The following DLG2 variants were observed in gnomAD, a reference collection of about 807,000 sequenced individuals.
DLG2 encodes the protein discs large MAGUK scaffold protein 2.
Under a neutral mutation model 132.5 loss-of-function variants are expected in DLG2, and 45 were observed. The observed-to-expected ratio is 0.34, with a 90% CI of 0.27 to 0.44. The LOEUF (loss-of-function observed/expected upper bound fraction) is 0.44, where lower values mean the gene tolerates loss of function less well. DLG2 is among the 20% of genes least tolerant of loss of function. DLG2 has a pLI of 1.00. For missense variants in DLG2, 1,045 were observed against 1,196.9 expected (o/e 0.87, Z 1.87); for synonymous variants, 424 against 419.6 (o/e 1.01, Z -0.13).
At chr11:85,509,933 G>T (rs1445752057) in intron 3 of DLG2, 1 of 151,702 alleles carries the variant, frequency 6.6e-6, no homozygotes, top group African/African-American at 2.4e-5. Context: ...ACAAAGGTTA[G>T]TTCGGCGCTC....
Position 83,780,640 on chromosome 11 carries a change from T to C in DLG2, c.1825+6050A>G, listed in dbSNP as rs2094775398. 3.3e-5 allele frequency among the ~76,000 whole-genome samples: 5 copies of C among 152,294 alleles called. No homozygotes were observed. In the South Asian group the frequency reaches 8.3e-4, roughly 25 times the overall value. Reference sequence around the variant, plus strand: ...ATAACTAAAGGCAATGAAGCCCGAATAGGTTCATTGTCTCACTAGCTGAGG... The same window carrying C: ...ATAACTAAAGGCAATGAAGCCCGAACAGGTTCATTGTCTCACTAGCTGAGG... On this transcript the variant is annotated intron_variant, in intron 18 of 27. Coordinates refer to ENST00000376104, the MANE Select transcript of DLG2 (RefSeq NM_001142699.3).
chr11:83,753,393 A>G (rs2093422112), intron 18 of DLG2, among the ~76,000 whole-genome samples: 1 of 152,116 alleles, frequency 6.6e-6, no homozygotes. Flanking sequence ...ACTGCACTCC[A>G]GCCTGGGTGA....
intron 7 of DLG2, among the ~76,000 whole-genome samples, chr11:84,432,553 C>G (rs2098987783): frequency 6.6e-6 from 1 of 152,150 alleles, no homozygotes; most frequent in Non-Finnish European, 1.5e-5. Context: ...CCTCTAAATC[C>G]TTGCCTGAAA....
At chr11:83,686,672 C>A (rs1017110187) in intron 18 of DLG2, among the ~76,000 whole-genome samples, 1 of 152,056 alleles carries the variant, frequency 6.6e-6, no homozygotes, top group Non-Finnish European at 1.5e-5. Flanking sequence ...TCTTACTGTC[C>A]CTACATTATA....
chr11:83,665,777 T>C (rs1226090907), intron 18 of DLG2, among the ~76,000 whole-genome samples: 1 of 152,088 alleles, frequency 6.6e-6, no homozygotes, highest in Non-Finnish European at 1.5e-5. Context: ...CTACTACCAC[T>C]TTGGAGATTC....
intron 6 of DLG2, among the ~76,000 whole-genome samples, chr11:84,779,072 G>A (rs541464518): frequency 1.3e-5 from 2 of 152,246 alleles, no homozygotes; most frequent in South Asian, 2.1e-4. Flanking sequence ...TTGGGACTCA[G>A]ACTGAGCCAC....
chr11:85,375,294 T>G (rs898860250), intron 3 of DLG2, among the ~76,000 whole-genome samples: 14 of 152,182 alleles, frequency 9.2e-5, no homozygotes, highest in Admixed American at 2.6e-4. Flanking sequence ...GTTGAAAACT[T>G]TTGAAAGTTC....
At chr11:83,685,709 A>AATCTGTGC (rs2079620132) in intron 18 of DLG2, among the ~76,000 whole-genome samples, 1 of 149,874 alleles carries the variant, frequency 6.7e-6, no homozygotes, top group African/African-American at 2.5e-5. Flanking sequence ...CTCCAGTCTC[A>AATCTGTGC]ATCTGTGCTC....
intron 7 of DLG2, among the ~76,000 whole-genome samples, chr11:84,280,935 A>T (rs2097848520): frequency 7.6e-6 from 1 of 131,784 alleles, no homozygotes; most frequent in Admixed American, 8.9e-5. Context: ...GTTAGCCAGG[A>T]TGGTCTCGAT....
At chr11:84,190,989 T>C (rs1265888237) in intron 8 of DLG2, among the ~76,000 whole-genome samples, 1 of 152,232 alleles carries the variant, frequency 6.6e-6, no homozygotes, top group Non-Finnish European at 1.5e-5. Flanking sequence ...AACTTTGATA[T>C]TACTTTAAGG....
At chr11:84,911,065 A>G (rs1181505969) in intron 6 of DLG2, among the ~76,000 whole-genome samples, 1 of 152,172 alleles carries the variant, frequency 6.6e-6, no homozygotes, top group Non-Finnish European at 1.5e-5. Context: ...AAGCAATTAG[A>G]ATGAAAAATA....
At chr11:84,066,237 AT>A in intron 10 of DLG2, among the ~76,000 whole-genome samples, 1 of 152,354 alleles carries the variant, frequency 6.6e-6, no homozygotes, top group East Asian at 1.9e-4. Flanking sequence ...AAAGAAAAAA[AT>A]AATAAATGCA....
rs2075343796 is a variant in DLG2, at chr11:83,665,553, T to C, written c.1826-32228A>G. On this transcript the variant is annotated intron_variant, in intron 18 of 27. Transcript: ENST00000376104. ...ATGACCTGAGGGATTCAACAGATAT[T>C]GTGATTCAAGGGTTAAGCAAGCTCA... is the stretch of plus-strand genomic sequence containing the variant. Among the ~76,000 whole-genome samples the C allele has an allele frequency of 2.0e-5, 3 of 152,202 alleles. No individual in the cohort carries two copies. The South Asian group carries it at 6.2e-4, about 32-fold the overall frequency.
At chr11:84,937,814 A>G (rs1189052497) in intron 6 of DLG2, among the ~76,000 whole-genome samples, 2 of 152,222 alleles carry the variant, frequency 1.3e-5, no homozygotes, top group African/African-American at 2.4e-5. Context: ...TAGAAAATCT[A>G]TAATATTTTG....
intron 3 of DLG2, among the ~76,000 whole-genome samples, chr11:85,543,187 C>T (rs1264282063): frequency 3.9e-5 from 6 of 152,118 alleles, no homozygotes; most frequent in Non-Finnish European, 8.8e-5. Context: ...CTCCCTGTGC[C>T]CATTTGTTCT....
chr11:84,859,119 C>G (rs1255139734), intron 6 of DLG2, among the ~76,000 whole-genome samples: 1 of 151,744 alleles, frequency 6.6e-6, no homozygotes. Flanking sequence ...TACGAAGCAC[C>G]TAGCATAATT....
At chr11:85,453,255 G>A in intron 3 of DLG2, 1 of 346,092 alleles carries the variant, frequency 2.9e-6, no homozygotes. Context: ...AAACACTTGT[G>A]TCAATAATCT....
chr11:84,344,673 T>A (rs1433292378), intron 7 of DLG2, among the ~76,000 whole-genome samples: 1 of 152,212 alleles, frequency 6.6e-6, no homozygotes, highest in Non-Finnish European at 1.5e-5. Flanking sequence ...CAGTAACTTA[T>A]CTGTCCGAAG....
intron 6 of DLG2, among the ~76,000 whole-genome samples, chr11:85,108,987 G>A (rs1054932927): frequency 6.6e-6 from 1 of 152,020 alleles, no homozygotes; most frequent in African/African-American, 2.4e-5. Flanking sequence ...TTTCCAAACT[G>A]TTCTCATTCA....
Sources: allele counts gnomAD v4.1 joint callset (sites outside exome capture counted in the v4.1 genomes callset), GRCh38; gene constraint gnomAD v4.1.1; transcripts MANE v1.5; gene names NCBI Gene and HGNC (gene_info 2026-07-23, HGNC 2026-07-21).